Variants in NPSR1 observed in about 807,000 individuals in gnomAD.
NPSR1 encodes neuropeptide S receptor.
A neutral mutation model predicts 46.9 loss-of-function variants in NPSR1; 48 were observed. That is an observed-to-expected ratio of 1.02 (90% confidence interval 0.81 to 1.30). The LOEUF (loss-of-function observed/expected upper bound fraction) is 1.30, where lower values mean the gene tolerates loss of function less well. Ranked by LOEUF, NPSR1 falls within the 50% of genes most tolerant of loss-of-function variation. The pLI is 0.00. For missense variants in NPSR1, 450 were observed against 449.5 expected (o/e 1.00, Z -0.01); for synonymous variants, 176 against 168.1 (o/e 1.05, Z -0.36).
intron 2 of NPSR1, among the ~76,000 whole-genome samples, chr7:34,741,403 T>C (rs552301958): frequency 6.6e-6 from 1 of 152,330 alleles, no homozygotes; most frequent in Non-Finnish European, 1.5e-5. Flanking sequence ...TTAGTGCTTT[T>C]GAAAATTGTT....
In NPSR1 at chr7:34,658,292, G is replaced by C; in HGVS notation, c.-121G>C. On this transcript the variant is annotated 5_prime_UTR_variant, in exon 1 of 9. Coordinates refer to ENST00000360581, the MANE Select transcript of NPSR1 (RefSeq NM_207172.2). Reference sequence around the variant, plus strand: ...AGAGCTCTTCAGTGAGGTGGGCTCAGGGAGGGCTCTGTGCCTCCGTTCAGC... The same window carrying C: ...AGAGCTCTTCAGTGAGGTGGGCTCACGGAGGGCTCTGTGCCTCCGTTCAGC... The C allele has an allele frequency of 9.2e-7, 1 of 1,087,842 alleles. No individual in the cohort carries two copies. Among genetic ancestry groups the C allele is most frequent in the Non-Finnish European group, 1.3e-6 (1 of 748,570 alleles). 67.4% of individuals were successfully genotyped at this position (1,087,842 alleles called of 1,614,324 possible). A position where few individuals can be genotyped will look rare whatever the true frequency, so the allele number is the denominator to read the frequency against.
intron 8 of NPSR1, among the ~76,000 whole-genome samples, chr7:34,855,926 T>C (rs1791038657): frequency 1.3e-5 from 2 of 152,130 alleles, no homozygotes; most frequent in South Asian, 4.1e-4. Context: ...ACTCAACAGA[T>C]GCAGAAAAAA....
intron 2 of NPSR1, among the ~76,000 whole-genome samples, chr7:34,708,529 G>A (rs1042643185): frequency 7.2e-5 from 11 of 152,248 alleles, no homozygotes; most frequent in East Asian, 5.8e-4. Flanking sequence ...TAATCCCAAC[G>A]TCCAGTGCAA....
In NPSR1 at chr7:34,786,038, A is replaced by G. The variant is rs189365539; in HGVS notation, c.384+7473A>G. ...GGCAATTTCTTAAAATCAGACAACA[A>G]TAAAGTTTGTTGCATCAATTGACTT... On this transcript the variant is annotated intron_variant, in intron 3 of 8. Transcript: ENST00000360581. Among the ~76,000 whole-genome samples, 522 of 152,256 alleles carry G rather than the reference A, an allele frequency of 3.4e-3. 4 individuals are homozygous for G. Among genetic ancestry groups the G allele is most frequent in the African/African-American group, 0.012 (506 of 41,560 alleles).
At chr7:34,662,203 C>A (rs449395) in intron 1 of NPSR1, among the ~76,000 whole-genome samples, 42,805 of 151,904 alleles carry the variant, frequency 0.28, 7,631 homozygotes, top group African/African-American at 0.51. Flanking sequence ...TCTTTTATTG[C>A]GCCTCCTTCG....
intron 6 of NPSR1, among the ~76,000 whole-genome samples, chr7:34,844,173 C>A (rs187064958): frequency 6.6e-6 from 1 of 152,214 alleles, no homozygotes; most frequent in Non-Finnish European, 1.5e-5. Flanking sequence ...CCTGCCTAGC[C>A]TAATCTTATC....
In NPSR1 at chr7:34,779,665, C is replaced by T. The variant is rs549342781; in HGVS notation, c.384+1100C>T. 4.0e-5 allele frequency: 36 copies of T among 890,878 alleles called. No homozygotes were observed. In the East Asian group the frequency reaches 5.0e-4, roughly 12 times the overall value. The allele number at this position is 890,878 out of a possible 1,614,324, so 55.2% of individuals were successfully genotyped here. ...CTGAAAGAGCCTTTTCTATTATGTA[C>T]GGCTAGTATTTTCTCAGGGGAAATT... On this transcript the variant is annotated intron_variant, in intron 3 of 8. Coordinates refer to ENST00000360581, the MANE Select transcript of NPSR1 (RefSeq NM_207172.2).
intron 1 of NPSR1, among the ~76,000 whole-genome samples, chr7:34,671,811 G>A (rs1002473162): frequency 2.0e-5 from 3 of 152,200 alleles, no homozygotes; most frequent in East Asian, 3.9e-4. Flanking sequence ...GCCCATGCAT[G>A]TGTTCGCTCC....
chr7:34,672,179 A>T (rs547660034), intron 1 of NPSR1, among the ~76,000 whole-genome samples: 1 of 152,344 alleles, frequency 6.6e-6, no homozygotes, highest in African/African-American at 2.4e-5. Flanking sequence ...TCATTCGTTT[A>T]TTCAGCAAAT....
chr7:34,857,024 C>T (rs991132205), intron 8 of NPSR1, among the ~76,000 whole-genome samples: 1 of 151,380 alleles, frequency 6.6e-6, no homozygotes, highest in Admixed American at 6.6e-5. Context: ...CTCCTGCATT[C>T]GTTATTTACA....
At chr7:34,740,291 G>A (rs1370877424) in intron 2 of NPSR1, among the ~76,000 whole-genome samples, 2 of 151,820 alleles carry the variant, frequency 1.3e-5, no homozygotes, top group African/African-American at 4.8e-5. Context: ...CCAGGCAGTG[G>A]GTGAGCAGGG....
intron 8 of NPSR1, among the ~76,000 whole-genome samples, chr7:34,864,460 C>T (rs1169952828): frequency 1.3e-5 from 2 of 151,148 alleles, no homozygotes; most frequent in Non-Finnish European, 2.9e-5. Context: ...TCCTTCTCAT[C>T]ATGAATTTTC....
In NPSR1 at chr7:34,833,719, G is replaced by A. The variant is rs36022230; in HGVS notation, c.681-665G>A. ...CTGCTCATGCAAGGCAGCCATTCAA[G>A]TTGTTTATCCAGGGCAGGGGTCATC... On this transcript the variant is annotated intron_variant, in intron 5 of 8. Coordinates refer to ENST00000360581, the MANE Select transcript of NPSR1 (RefSeq NM_207172.2). Among the ~76,000 whole-genome samples, 520 of 152,344 alleles carry A rather than the reference G, an allele frequency of 3.4e-3. 3 individuals carry two copies. Among genetic ancestry groups the A allele is most frequent in the African/African-American group, 0.012 (504 of 41,578 alleles).
chr7:34,778,435 AT>A (rs1437497391), intron 2 of NPSR1, 26 bp from the exon 3 acceptor site: 7 of 1,275,534 alleles, frequency 5.5e-6, no homozygotes, highest in Non-Finnish European at 7.9e-6. Flanking sequence ...TAAACCCTGA[AT>A]GTAAGCACTT....
intron 1 of NPSR1, among the ~76,000 whole-genome samples, chr7:34,675,641 T>A (rs1792275918): frequency 6.6e-6 from 1 of 152,240 alleles, no homozygotes; most frequent in Non-Finnish European, 1.5e-5. Flanking sequence ...GGCATCCTTT[T>A]GGCTCTGGAA....
chr7:34,863,005 AAC>A (rs1210719092), intron 8 of NPSR1, among the ~76,000 whole-genome samples: 10 of 151,914 alleles, frequency 6.6e-5, no homozygotes, highest in African/African-American at 2.4e-4. Flanking sequence ...CAGTAACCAA[AAC>A]AGCATGATAC....
At chr7:34,764,989 G>T (rs1030795825) in intron 2 of NPSR1, among the ~76,000 whole-genome samples, 21 of 152,124 alleles carry the variant, frequency 1.4e-4, no homozygotes, top group African/African-American at 5.1e-4. Context: ...AACAGGCACA[G>T]CTGAAAGCAG....
chr7:34,737,375 T>A (rs1358061838), intron 2 of NPSR1, among the ~76,000 whole-genome samples: 1 of 151,570 alleles, frequency 6.6e-6, no homozygotes, highest in African/African-American at 2.4e-5. Context: ...AAGAAGAAGC[T>A]TATTCATCCC....
intron 8 of NPSR1, among the ~76,000 whole-genome samples, chr7:34,866,884 G>T (rs1005061612): frequency 6.6e-6 from 1 of 151,704 alleles, no homozygotes; most frequent in Non-Finnish European, 1.5e-5. Flanking sequence ...CACATGGGAG[G>T]TCTTCAAGGA....
Sources: gnomAD v4.1 joint callset for allele counts (sites outside exome capture counted in the v4.1 genomes callset) on GRCh38, gnomAD v4.1.1 for gene constraint, MANE v1.5 for transcripts, NCBI Gene and HGNC (gene_info 2026-07-23, HGNC 2026-07-21) for gene names.